MACROD2: variants seen among roughly 807,000 people sequenced by gnomAD.
MACROD2 encodes the protein mono-ADP ribosylhydrolase 2, also known as ADP-ribose glycohydrolase MACROD2.
In MACROD2, 36 loss-of-function variants were observed where a neutral mutation model predicts 70.4. The observed-to-expected ratio is 0.51, with a 90% confidence interval of 0.39 to 0.68. The LOEUF is 0.68. Ranked by LOEUF, MACROD2 falls within the 30% of genes least tolerant of loss-of-function variation. MACROD2 has a pLI of 0.00. For synonymous variants in MACROD2, 172 were observed against 178.8 expected, an observed-to-expected ratio of 0.96 and a Z score of 0.30; for missense variants, 496 against 538.4, an observed-to-expected ratio of 0.92 and a Z score of 0.78.
intron 15 of MACROD2, among the ~76,000 whole-genome samples, chr20:16,028,141 G>T (rs749976152): frequency 6.6e-6 from 1 of 152,204 alleles, no homozygotes; most frequent in Non-Finnish European, 1.5e-5. Context: ...CATCCATCTA[G>T]TTCCAACTCA....
At chr20:15,158,575 T>C (rs1026591137) in intron 5 of MACROD2, among the ~76,000 whole-genome samples, 1 of 152,120 alleles carries the variant, frequency 6.6e-6, no homozygotes, top group Admixed American at 6.5e-5. Context: ...GTAGTGAAAA[T>C]AGAGAGATTA....
chr20:14,389,640 T>A (rs1019612637), intron 3 of MACROD2, among the ~76,000 whole-genome samples: 1 of 152,210 alleles, frequency 6.6e-6, no homozygotes, highest in African/African-American at 2.4e-5. Context: ...ATGATAATGG[T>A]ACAGTGTACA....
intron 3 of MACROD2, among the ~76,000 whole-genome samples, chr20:14,334,006 T>C (rs1471303766): frequency 6.6e-6 from 1 of 152,226 alleles, no homozygotes; most frequent in Non-Finnish European, 1.5e-5. Flanking sequence ...GAGCAATTTC[T>C]CCCTCCTTTG....
At chr20:14,229,451 G>A (rs2081779389) in intron 3 of MACROD2, among the ~76,000 whole-genome samples, 1 of 152,124 alleles carries the variant, frequency 6.6e-6, no homozygotes, top group African/African-American at 2.4e-5. Context: ...TGTACAGATG[G>A]CAAATAAGCA....
intron 3 of MACROD2, among the ~76,000 whole-genome samples, chr20:14,257,607 G>A (rs559343773): frequency 6.6e-6 from 1 of 152,096 alleles, no homozygotes; most frequent in Admixed American, 6.5e-5. Flanking sequence ...CCACATGGTG[G>A]CCTCATAACC....
chr20:15,755,127 G>A (rs539362559), intron 8 of MACROD2, among the ~76,000 whole-genome samples: 21 of 152,222 alleles, frequency 1.4e-4, no homozygotes, highest in Admixed American at 5.9e-4. Flanking sequence ...CCAAAGTGCT[G>A]AAATTACAGG....
Position 15,101,534 on chromosome 20 carries a change from CA to C in MACROD2, c.419-128392del, listed in dbSNP as rs6147300. Among the ~76,000 whole-genome samples the C allele has an allele frequency of 2.2e-4, 20 of 88,914 alleles. 2 individuals carry two copies. Among genetic ancestry groups the C allele is most frequent in the Non-Finnish European group, 8.2e-5 (4 of 48,630 alleles). 58.3% of individuals were successfully genotyped at this position (88,914 alleles called of 152,430 possible). A position where few individuals can be genotyped will look rare whatever the true frequency, so the allele number is the denominator to read the frequency against. The stretch of plus-strand genomic sequence containing the variant: ...AGCACAGATAACCCAGGTGTTGGTT[CA>C]AAAAAAAAAAAAAGCATTCTGGAGT... On this transcript the variant is annotated intron_variant, in intron 5 of 17. Coordinates refer to ENST00000684519, the MANE Select transcript of MACROD2 (RefSeq NM_001351661.2).
chr20:14,072,825 T>C (rs1377287620), intron 2 of MACROD2, among the ~76,000 whole-genome samples: 1 of 151,436 alleles, frequency 6.6e-6, no homozygotes, highest in Non-Finnish European at 1.5e-5. Context: ...TCCCATCTAC[T>C]CGGGAGGCTG....
intron 5 of MACROD2, among the ~76,000 whole-genome samples, chr20:15,193,526 T>C: frequency 6.6e-6 from 1 of 152,094 alleles, no homozygotes; most frequent in East Asian, 1.9e-4. Flanking sequence ...CACACACCTG[T>C]AGTCCCAGCT....
At chr20:15,171,359 C>T (rs536534045) in intron 5 of MACROD2, among the ~76,000 whole-genome samples, 1 of 151,374 alleles carries the variant, frequency 6.6e-6, no homozygotes, top group Non-Finnish European at 1.5e-5. Context: ...TCCATCTCCT[C>T]CCCTCCATCC....
At chr20:14,337,747 G>A (rs1443537636) in intron 3 of MACROD2, 3 of 388,954 alleles carry the variant, frequency 7.7e-6, no homozygotes, top group Non-Finnish European at 1.4e-5. Flanking sequence ...GATGAGCTTT[G>A]CAAACGCTAG....
At chr20:15,483,769 A>G (rs1202091052) in intron 7 of MACROD2, among the ~76,000 whole-genome samples, 1 of 151,574 alleles carries the variant, frequency 6.6e-6, no homozygotes, top group Admixed American at 6.6e-5. Flanking sequence ...CCTCATATAG[A>G]TCTTTTACAT....
intron 13 of MACROD2, among the ~76,000 whole-genome samples, chr20:15,981,165 G>A (rs914834775): frequency 1.1e-4 from 16 of 152,130 alleles, no homozygotes; most frequent in Admixed American, 2.6e-4. Flanking sequence ...GCAGCTTAGC[G>A]TAGGCTCTAT....
At chr20:15,005,979 G>A (rs745616105) in intron 5 of MACROD2, among the ~76,000 whole-genome samples, 4 of 151,910 alleles carry the variant, frequency 2.6e-5, no homozygotes. Flanking sequence ...AATATATAAG[G>A]ACTCTACCTG....
chr20:14,403,082 A>G (rs966120235), intron 3 of MACROD2, among the ~76,000 whole-genome samples: 4 of 152,184 alleles, frequency 2.6e-5, no homozygotes, highest in African/African-American at 9.7e-5. Flanking sequence ...ATTATGTTTG[A>G]TATTGGGATA....
At chr20:15,837,180 C>A (rs2064123602) in intron 8 of MACROD2, among the ~76,000 whole-genome samples, 1 of 152,112 alleles carries the variant, frequency 6.6e-6, no homozygotes, top group African/African-American at 2.4e-5. Flanking sequence ...CCCTTTTTAA[C>A]CTTTAAACAA....
chr20:14,389,399 G>A lies in MACROD2; in HGVS notation c.272-104080G>A, dbSNP rs368318828. ...ATTGCGCCACTGCACTCTGACCTGG[G>A]CGACAGGGCGAGACTTGGTCTCAAA... On this transcript the variant is annotated intron_variant, in intron 3 of 17. Coordinates refer to ENST00000684519, the MANE Select transcript of MACROD2 (RefSeq NM_001351661.2). Among the ~76,000 whole-genome samples, 11 of 130,028 alleles carry A rather than the reference G, an allele frequency of 8.5e-5. No homozygotes were observed. The East Asian group carries it at 2.7e-3, about 31-fold the overall frequency. 85.3% of individuals were successfully genotyped at this position (130,028 alleles called of 152,430 possible).
At chr20:14,020,862 T>G (rs1308190158) in intron 2 of MACROD2, among the ~76,000 whole-genome samples, 1 of 152,190 alleles carries the variant, frequency 6.6e-6, no homozygotes. Context: ...TACTCTTTCA[T>G]CTCTTAAGTA....
intron 3 of MACROD2, among the ~76,000 whole-genome samples, chr20:14,487,235 T>C (rs1209454229): frequency 6.6e-6 from 1 of 152,204 alleles, no homozygotes; most frequent in East Asian, 1.9e-4. Context: ...ACCCTTGGCA[T>C]GTGCCAGGCT....
Sources: gnomAD v4.1 joint callset for allele counts (sites outside exome capture counted in the v4.1 genomes callset) on GRCh38, gnomAD v4.1.1 for gene constraint, MANE v1.5 for transcripts, NCBI Gene and HGNC (gene_info 2026-07-23, HGNC 2026-07-21) for gene names.